The following ZBTB26 variants were observed in gnomAD, a reference collection of about 807,000 sequenced individuals.
ZBTB26 encodes the protein zinc finger and BTB domain-containing protein 26.
ZBTB26 carries 12 observed loss-of-function variants against 31.6 expected under a neutral mutation model. The ratio of observed to expected loss-of-function variants is 0.38; its 90% confidence interval spans 0.24 to 0.61. The LOEUF is 0.61. Among genes scored for constraint, ZBTB26 ranks in the 20% least tolerant of loss-of-function variants. The pLI, the probability that ZBTB26 is intolerant of heterozygous loss-of-function variation, is 0.60. For missense variants in ZBTB26, 311 were observed against 521.9 expected, an observed-to-expected ratio of 0.60 and a Z score of 3.94; for synonymous variants, 155 against 182.9, an observed-to-expected ratio of 0.85 and a Z score of 1.23.
intron 1 of ZBTB26, among the ~76,000 whole-genome samples, chr9:122,927,117 AG>A (rs1204865762): frequency 2.6e-5 from 4 of 152,196 alleles, no homozygotes. Flanking sequence ...GCCATAGTTC[AG>A]GTCTTTATTA....
chr9:122,916,875 A>G lies in ZBTB26; in HGVS notation c.*1734T>C, dbSNP rs527663817. The stretch of plus-strand genomic sequence containing the variant: ...TAACAATTGAAGATCCCCTCTGACT[A>G]TGCAAGCCTAATTTTTCAAATCTGC... On this transcript the variant is annotated 3_prime_UTR_variant, in exon 2 of 2. Coordinates refer to ENST00000373656, the MANE Select transcript of ZBTB26 (RefSeq NM_020924.4). 1.3e-5 allele frequency: 2 copies of G among 152,364 alleles called. No individual in the cohort carries two copies. The highest frequency in any genetic ancestry group is 2.9e-5 in the Non-Finnish European group (2 of 68,028). The allele number at this position is 152,364 out of a possible 1,614,324, so 9.4% of individuals were successfully genotyped here.
At chr9:122,921,786 C>G (rs2131537062) in intron 1 of ZBTB26, among the ~76,000 whole-genome samples, 1 of 152,282 alleles carries the variant, frequency 6.6e-6, no homozygotes, top group Non-Finnish European at 1.5e-5. Flanking sequence ...ACAAAATTAG[C>G]TGGGCGTAGT....
At chr9:122,926,243 G>A (rs1037351866) in intron 1 of ZBTB26, among the ~76,000 whole-genome samples, 3 of 151,794 alleles carry the variant, frequency 2.0e-5, no homozygotes, top group East Asian at 2.0e-4. Context: ...GGCTAGGTGC[G>A]GTGGCTCACA....
chr9:122,931,357 G>C (rs138367780), intron 1 of ZBTB26, 80 bp downstream of exon 1: 1 of 152,636 alleles, frequency 6.6e-6, no homozygotes, highest in Non-Finnish European at 1.5e-5. Flanking sequence ...GCAGGTCCCG[G>C]TTGATCCAGG....
intron 1 of ZBTB26, among the ~76,000 whole-genome samples, chr9:122,927,042 C>T (rs1312264002): frequency 2.0e-5 from 3 of 152,174 alleles, no homozygotes; most frequent in Non-Finnish European, 4.4e-5. Context: ...ACACAGTCAT[C>T]ATATTTTGTT....
At chr9:122,931,178 G>A (rs1005375422) in intron 1 of ZBTB26, 2 of 152,276 alleles carry the variant, frequency 1.3e-5, no homozygotes, top group Non-Finnish European at 2.9e-5. Flanking sequence ...AGGCCCCCAA[G>A]CCAACTGCTG....
intron 1 of ZBTB26, among the ~76,000 whole-genome samples, chr9:122,928,987 A>G (rs1833226971): frequency 6.6e-6 from 1 of 152,242 alleles, no homozygotes; most frequent in Non-Finnish European, 1.5e-5. Flanking sequence ...AGACATTTCC[A>G]ACAAAGAACT....
intron 1 of ZBTB26, among the ~76,000 whole-genome samples, chr9:122,920,600 C>CTTGTA (rs1833080587): frequency 6.6e-6 from 1 of 152,150 alleles, no homozygotes; most frequent in African/African-American, 2.4e-5. Flanking sequence ...ACAAGTATTT[C>CTTGTA]TGCAATAAAA....
At position 122,919,917 on chromosome 9, in the gene ZBTB26, A is replaced by G. The variant is rs748107942; in HGVS notation, c.18T>C (p.Asp6=). Residue 6 remains aspartate, a synonymous_variant, in exon 2 of 2, where the codon GAT becomes GAC. Transcript: ENST00000373656. This position sits in a 1 kb window ranked among gnomAD's most constrained non-coding sequence, Gnocchi z 6.1. The stretch of plus-strand genomic sequence containing the variant: ...AATTTTCAAACTTGAAGTGAAGGAG[A>G]TCTGATCTTTCAGACATTTTGGCAG... MSERS[D]LLHFKFENYG... The G allele has an allele frequency of 5.5e-5, 88 of 1,587,382 alleles. No homozygotes were observed. Among genetic ancestry groups the G allele is most frequent in the Non-Finnish European group, 7.4e-5 (87 of 1,168,604 alleles).
chr9:122,916,281 G>A lies in ZBTB26; in HGVS notation c.*2328C>T, dbSNP rs1326636986. 2.0e-5 allele frequency: 3 copies of A among 152,198 alleles called. No homozygotes were observed. Among genetic ancestry groups the A allele is most frequent in the African/African-American group, 7.2e-5 (3 of 41,460 alleles). The allele number at this position is 152,198 out of a possible 1,614,324, so 9.4% of individuals were successfully genotyped here. On this transcript the variant is annotated 3_prime_UTR_variant, in exon 2 of 2. Coordinates refer to ENST00000373656, the MANE Select transcript of ZBTB26 (RefSeq NM_020924.4). ...ATTATTTCTAGTATAAAAGCAAATT[G>A]AGACTTTGTTTCACTAAGACCACAT...
intron 1 of ZBTB26, among the ~76,000 whole-genome samples, chr9:122,928,720 A>G (rs575454787): frequency 1.1e-3 from 163 of 152,260 alleles, no homozygotes; most frequent in African/African-American, 3.8e-3. Flanking sequence ...GCCAAACTTA[A>G]CCAAACTAAA....
Position 122,919,905 on chromosome 9 carries a change from G to T in ZBTB26, c.30C>A (p.Phe10Leu). The change falls in exon 2 of 2, where the codon TTC (phenylalanine) becomes TTA (leucine). Residue 10 changes from phenylalanine to leucine, a missense_variant. This residue lies in a region of ZBTB26 where 25 missense variants were observed against 32.3 expected (regional missense o/e 0.77). Coordinates refer to ENST00000373656, the MANE Select transcript of ZBTB26 (RefSeq NM_020924.4). The surrounding 1 kb of genome is among the most constrained non-coding windows in gnomAD (Gnocchi z 6.1). Reference sequence around the variant, plus strand: ...TTGAATCTCCATAATTTTCAAACTTGAAGTGAAGGAGATCTGATCTTTCAG... The same window carrying T: ...TTGAATCTCCATAATTTTCAAACTTTAAGTGAAGGAGATCTGATCTTTCAG... MSERSDLLH[F>L]KFENYGDSML... The T allele has an allele frequency of 6.2e-7, 1 of 1,601,514 alleles. No individual in the cohort carries two copies. Among genetic ancestry groups the T allele is most frequent in the Non-Finnish European group, 8.5e-7 (1 of 1,174,180 alleles).
intron 1 of ZBTB26, among the ~76,000 whole-genome samples, chr9:122,923,047 G>C (rs1037140393): frequency 1.3e-5 from 2 of 151,988 alleles, no homozygotes; most frequent in Non-Finnish European, 2.9e-5. Context: ...TACCCGGCAT[G>C]GTGGCGGGCG....
At chr9:122,925,371 A>G (rs918373354) in intron 1 of ZBTB26, among the ~76,000 whole-genome samples, 4 of 152,038 alleles carry the variant, frequency 2.6e-5, no homozygotes, top group African/African-American at 9.7e-5. Flanking sequence ...TCCTATCACA[A>G]TAAATAAATA....
At chr9:122,929,522 C>G (rs1315959600) in intron 1 of ZBTB26, among the ~76,000 whole-genome samples, 2 of 152,186 alleles carry the variant, frequency 1.3e-5, no homozygotes, top group South Asian at 2.1e-4. Flanking sequence ...ACTCAAACCA[C>G]TCTGCTTCAA....
chr9:122,930,904 G>A lies in ZBTB26; in HGVS notation c.-11+533C>T, dbSNP rs546933535. On this transcript the variant is annotated intron_variant, in intron 1 of 1. Coordinates refer to ENST00000373656, the MANE Select transcript of ZBTB26 (RefSeq NM_020924.4). ...TACATACATATATATACACATAGGA[G>A]TACTTATTTGTTCAGATCTGGCTCC... 9.2e-5 allele frequency among the ~76,000 whole-genome samples: 14 copies of A among 152,292 alleles called. No homozygotes were observed. In the South Asian group the frequency reaches 2.3e-3, roughly 25 times the overall value.
chr9:122,919,496 G>A lies in ZBTB26; in HGVS notation c.439C>T (p.Gln147Ter). ...GCATCTCCCTGCTGTTCTTTTGACT[G>A]GGGAGAAGCACTCTGTGGTTCACAT... is the stretch of plus-strand genomic sequence containing the variant. Reference protein sequence around the residue: ...EGCEPQSASPQSKEQQGDARG... With the variant: ...EGCEPQSASP Residue 147 changes from glutamine to a stop codon, truncating the protein, a stop_gained, in exon 2 of 2, where the codon CAG (glutamine) becomes TAG (stop). Transcript: ENST00000373656. LOFTEE classifies it high-confidence loss of function. This position sits in a 1 kb window ranked among gnomAD's most constrained non-coding sequence, Gnocchi z 6.1. 1 of 1,614,186 alleles carries A rather than the reference G, an allele frequency of 6.2e-7. No individual in the cohort carries two copies. Among genetic ancestry groups the A allele is most frequent in the Non-Finnish European group, 8.5e-7 (1 of 1,180,028 alleles).
Position 122,919,799 on chromosome 9 carries a change from C to T in ZBTB26, c.136G>A (p.Gly46Arg). 1.2e-6 allele frequency: 2 copies of T among 1,614,028 alleles called. No individual in the cohort carries two copies. The highest frequency in any genetic ancestry group is 2.2e-5 in the East Asian group (1 of 44,872). ...CCTGCAGCAAACACAATTTTATGTC[C>T]CTGTACCTCAATATCATCTATGAGA... Reference protein sequence around the residue: ...TVLIDDIEVQGHKIVFAAGSP... With the variant: ...TVLIDDIEVQRHKIVFAAGSP... Residue 46 changes from glycine (G) to arginine (R), a missense_variant, in exon 2 of 2, where the codon GGA (glycine) becomes AGA (arginine). Gly to Arg is a moderately radical substitution (Grantham distance 125). Around this residue, in one of 5 missense-constraint regions of ZBTB26, gnomAD observed 5 missense variants for 32.0 expected, o/e 0.16. Coordinates refer to ENST00000373656, the MANE Select transcript of ZBTB26 (RefSeq NM_020924.4). The surrounding 1 kb of genome is among the most constrained non-coding windows in gnomAD (Gnocchi z 6.1).
At chr9:122,930,903 A>G (rs1340830026) in intron 1 of ZBTB26, among the ~76,000 whole-genome samples, 2 of 152,222 alleles carry the variant, frequency 1.3e-5, no homozygotes, top group Admixed American at 6.5e-5. Flanking sequence ...TACACATAGG[A>G]GTACTTATTT....
Sources: allele counts gnomAD v4.1 joint callset (sites outside exome capture counted in the v4.1 genomes callset), GRCh38; gene constraint gnomAD v4.1.1; regional missense constraint gnomAD v4.1.1; non-coding constraint Gnocchi (gnomAD v3.1); transcripts MANE v1.5; gene names NCBI Gene and HGNC (gene_info 2026-07-23, HGNC 2026-07-21).